The following PPEF1 variants were observed in gnomAD, a reference collection of about 807,000 sequenced individuals.
PPEF1 encodes the protein protein phosphatase with EF-hand domain 1.
In PPEF1, 12 loss-of-function variants were observed where a neutral mutation model predicts 53.3. The ratio of observed to expected loss-of-function variants is 0.23; its 90% CI spans 0.14 to 0.36. PPEF1 has a LOEUF of 0.36. Among genes scored for constraint, PPEF1 ranks in the 10% least tolerant of loss-of-function variants. The pLI is 1.00. For synonymous variants in PPEF1, 165 were observed against 176.7 expected, an observed-to-expected ratio of 0.93 and a Z score of 0.52; for missense variants, 334 against 490.4, an observed-to-expected ratio of 0.68 and a Z score of 3.01.
intron 1 of PPEF1, among the ~76,000 whole-genome samples, chrX:18,728,469 C>T (rs755647402): frequency 1.8e-5 from 2 of 110,669 alleles, no homozygotes; most frequent in Non-Finnish European, 3.8e-5. Flanking sequence ...TGGGGGAAAC[C>T]GCCCCCATGA....
chrX:18,694,099 A>G lies in PPEF1; in HGVS notation c.-313+3005A>G, dbSNP rs142981004. On this transcript the variant is annotated intron_variant, in intron 4 of 21. Coordinates refer to the PPEF1 transcript ENST00000361511. ...AGCATGGCCTCTTCCACTCAGCATA[A>G]TGCCTTTGAGACCCATCCAGGTTGT... Among the ~76,000 whole-genome samples the G allele has an allele frequency of 5.7e-3, 636 of 111,436 alleles. 4 individuals are homozygous for G. The highest frequency in any genetic ancestry group is 0.02 in the African/African-American group (622 of 30,651).
At chrX:18,748,418 G>C (rs748819171) in intron 3 of PPEF1, among the ~76,000 whole-genome samples, 1 of 112,615 alleles carries the variant, frequency 8.9e-6, no homozygotes, top group South Asian at 3.7e-4. Context: ...GATAGAAACT[G>C]TTTGCAGAGA....
At chrX:18,785,765 C>T (rs2046186488) in intron 9 of PPEF1, among the ~76,000 whole-genome samples, 1 of 110,252 alleles carries the variant, frequency 9.1e-6, no homozygotes, top group African/African-American at 3.3e-5. Flanking sequence ...ACCTGTGGTC[C>T]CAGCTACTTG....
chrX:18,709,414 G>A (rs2044271530), intron 1 of PPEF1, among the ~76,000 whole-genome samples: 2 of 111,450 alleles, frequency 1.8e-5, no homozygotes, highest in South Asian at 7.5e-4. Flanking sequence ...TTTTATTGTG[G>A]AATAATATTT....
chrX:18,720,591 CA>C (rs918716396), intron 1 of PPEF1, among the ~76,000 whole-genome samples: 85 of 100,227 alleles, frequency 8.5e-4, no homozygotes, highest in African/African-American at 2.9e-3. Flanking sequence ...GACTCCGTCT[CA>C]AAAAAAAAAC....
At chrX:18,744,710 C>T (rs964826679) in intron 3 of PPEF1, among the ~76,000 whole-genome samples, 4 of 107,948 alleles carry the variant, frequency 3.7e-5, no homozygotes, top group Admixed American at 3.0e-4. Flanking sequence ...CATTGGTTAT[C>T]GGTAGTGTTT....
chrX:18,755,361 G>A (rs1253802343), intron 4 of PPEF1, among the ~76,000 whole-genome samples: 1 of 111,744 alleles, frequency 8.9e-6, no homozygotes, highest in South Asian at 3.8e-4. Context: ...GAGGTCAGGC[G>A]TTCAAGACCA....
chrX:18,768,635 T>C (rs2045821379), intron 6 of PPEF1, among the ~76,000 whole-genome samples: 1 of 112,729 alleles, frequency 8.9e-6, no homozygotes, highest in South Asian at 3.6e-4. Context: ...CAAGGTATCA[T>C]ATAAACACTA....
intron 3 of PPEF1, among the ~76,000 whole-genome samples, chrX:18,738,472 T>C (rs1394953495): frequency 8.9e-6 from 1 of 112,244 alleles, no homozygotes; most frequent in African/African-American, 3.2e-5. Flanking sequence ...TTCTGGCTTG[T>C]AGAGTTTCTG....
chrX:18,675,956 C>CGGGG (rs768712900), exon 1 of PPEF1: 1 of 29,521 alleles, frequency 3.4e-5, no homozygotes, highest in African/African-American at 1.5e-4. Context: ...ATCATTTGGG[C>CGGGG]GGGGGGGGGG....
chrX:18,762,372 C>T (rs1014581258), intron 6 of PPEF1, among the ~76,000 whole-genome samples: 3 of 111,444 alleles, frequency 2.7e-5, no homozygotes, highest in Non-Finnish European at 5.6e-5. Context: ...AATAATTGGG[C>T]GTAGCGTAGG....
chrX:18,764,070 C>G (rs967330785), intron 6 of PPEF1, among the ~76,000 whole-genome samples: 20 of 111,503 alleles, frequency 1.8e-4, no homozygotes, highest in Admixed American at 1.5e-3. Flanking sequence ...GAATGCTGAC[C>G]GACTGTGTCA....
At chrX:18,760,531 A>G (rs770307106) in intron 5 of PPEF1, among the ~76,000 whole-genome samples, 33 of 111,516 alleles carry the variant, frequency 3.0e-4, no homozygotes, top group Non-Finnish European at 5.3e-4. Flanking sequence ...GCTGACTACA[A>G]TAGATACTGT....
At chrX:18,689,611 C>T (rs1360743795) in intron 3 of PPEF1, among the ~76,000 whole-genome samples, 1 of 110,027 alleles carries the variant, frequency 9.1e-6, no homozygotes, top group Non-Finnish European at 1.9e-5. Context: ...TTCACAGCCC[C>T]ACCCCAGACC....
At chrX:18,787,768 A>AAAAG (rs1298591622) in intron 9 of PPEF1, among the ~76,000 whole-genome samples, 41 of 103,589 alleles carry the variant, frequency 4.0e-4, no homozygotes, top group Non-Finnish European at 3.6e-4. Context: ...AAAAAAAAAA[A>AAAAG]AAAGAAAGAA....
At chrX:18,712,842 A>C (rs1435562867) in intron 1 of PPEF1, among the ~76,000 whole-genome samples, 1 of 111,901 alleles carries the variant, frequency 8.9e-6, no homozygotes, top group Non-Finnish European at 1.9e-5. Context: ...AATTTTGTCA[A>C]ATGCTTTCTC....
upstream of PPEF1, among the ~76,000 whole-genome samples, chrX:18,678,375 T>C (rs1278260161): frequency 9.0e-6 from 1 of 110,498 alleles, no homozygotes; most frequent in Non-Finnish European, 1.9e-5. Context: ...AGGTCGAGGC[T>C]GCAACAAGCT....
At chrX:18,717,101 ATT>A (rs1398858931) in intron 1 of PPEF1, among the ~76,000 whole-genome samples, 1 of 70,085 alleles carries the variant, frequency 1.4e-5, no homozygotes, top group Admixed American at 1.6e-4. Context: ...ATATATATAT[ATT>A]TTTTTCTCAA....
intron 9 of PPEF1, among the ~76,000 whole-genome samples, chrX:18,786,038 G>A (rs2083066554): frequency 8.9e-6 from 1 of 112,287 alleles, no homozygotes; most frequent in Non-Finnish European, 1.9e-5. Flanking sequence ...CTAACCAAGA[G>A]CACAAGGGAA....
Sources: allele counts gnomAD v4.1 joint callset (sites outside exome capture counted in the v4.1 genomes callset), GRCh38; gene constraint gnomAD v4.1.1; transcripts MANE v1.5; gene names NCBI Gene and HGNC (gene_info 2026-07-23, HGNC 2026-07-21).